The following FOXRED2 variants were observed in gnomAD, a reference collection of about 807,000 sequenced individuals.
FOXRED2 encodes the protein FAD-dependent oxidoreductase domain-containing protein 2.
In FOXRED2, 32 loss-of-function variants were observed where a neutral mutation model predicts 52.5. The observed-to-expected ratio is 0.61, with a 90% CI of 0.46 to 0.82. The LOEUF (loss-of-function observed/expected upper bound fraction) is 0.82, where lower values mean the gene tolerates loss of function less well. Ranked by LOEUF, FOXRED2 falls within the 40% of genes least tolerant of loss-of-function variation. The pLI is 0.00. For synonymous variants in FOXRED2, 405 were observed against 398.1 expected (o/e 1.02, Z -0.21); for missense variants, 848 against 937.5 (o/e 0.90, Z 1.25).
chr22:36,501,328 G>A lies in FOXRED2; in HGVS notation c.1129C>T (p.Arg377Trp), dbSNP rs754421478. The change falls in exon 5 of 9, where the codon CGG (arginine) becomes TGG (tryptophan). Residue 377 changes from arginine to tryptophan, a missense_variant. Physicochemically the swap from Arg to Trp is moderately radical, Grantham distance 101. Coordinates refer to ENST00000397224, the MANE Select transcript of FOXRED2 (RefSeq NM_001102371.2). ...GCAGTACCCAGGATAAACAGACCCC[G>A]GCTTCCTTTGGATTCGTAGCTAGCT... ...IRASYESKGS[R>W]GLFILGTASH... is the part of the protein sequence containing the mutation. 5.0e-6 allele frequency: 8 copies of A among 1,613,984 alleles called. No homozygotes were observed. The highest frequency in any genetic ancestry group is 2.2e-5 in the East Asian group (1 of 44,890).
Position 36,498,179 on chromosome 22 carries a change from C to T in FOXRED2, c.1217-23G>A, listed in dbSNP as rs373196212. On this transcript the variant is annotated intron_variant, in intron 5 of 8. Transcript: ENST00000397224. ...GCACTGGAACAGCCAGAGGGAGGAA[C>T]GGCACGCTGCACTTACCATTTTATC... is the stretch of plus-strand genomic sequence containing the variant. 67 of 1,600,194 alleles carry T rather than the reference C, an allele frequency of 4.2e-5. 1 individual carries two copies. In the Middle Eastern group the frequency reaches 2.4e-3, roughly 58 times the overall value.
intron 7 of FOXRED2, among the ~76,000 whole-genome samples, chr22:36,495,261 T>C (rs1933866687): frequency 6.6e-6 from 1 of 152,138 alleles, no homozygotes; most frequent in Non-Finnish European, 1.5e-5. Flanking sequence ...GCCCAGCCTC[T>C]TAGTGCCTCC....
At position 36,506,381 on chromosome 22, in the gene FOXRED2, C is replaced by A; in HGVS notation, c.42G>T (p.Gly14=). ...GGTGCAGGGCGATGGCCAGGAGCAGCCCCGGGGGACCCCACAACGGGGCCG... is the reference window on the plus strand; with the variant it reads ...GGTGCAGGGCGATGGCCAGGAGCAGACCCGGGGGACCCCACAACGGGGCCG... ...SAAAPLWGPP[G]LLLAIALHPA... Residue 14 remains glycine, a synonymous_variant, in exon 2 of 9, where the codon GGG becomes GGT. Coordinates refer to ENST00000397224, the MANE Select transcript of FOXRED2 (RefSeq NM_001102371.2). The A allele has an allele frequency of 6.9e-7, 1 of 1,441,852 alleles. No homozygotes were observed. The highest frequency in any genetic ancestry group is 9.1e-7 in the Non-Finnish European group (1 of 1,102,960). 89.3% of individuals were successfully genotyped at this position (1,441,852 alleles called of 1,614,324 possible).
intron 5 of FOXRED2, 43 bp from the exon 6 acceptor site, chr22:36,498,199 T>C: frequency 1.3e-6 from 2 of 1,576,660 alleles, no homozygotes; most frequent in Non-Finnish European, 8.6e-7. Flanking sequence ...CACTTACCAT[T>C]TTATCTCTGG....
At position 36,489,375 on chromosome 22, in the gene FOXRED2, T is replaced by G. The variant is rs952700506; in HGVS notation, c.*633A>C. The stretch of plus-strand genomic sequence containing the variant: ...CTGGGCCTATGATGATAAGCAGGGC[T>G]GACCCTCTTGGGCTCTGTAGCTAAG... On this transcript the variant is annotated 3_prime_UTR_variant, in exon 9 of 9. Coordinates refer to ENST00000397224, the MANE Select transcript of FOXRED2 (RefSeq NM_001102371.2). 3 of 152,274 alleles carry G rather than the reference T, an allele frequency of 2.0e-5. No homozygotes were observed. The highest frequency in any genetic ancestry group is 4.4e-5 in the Non-Finnish European group (3 of 68,074). 9.4% of individuals were successfully genotyped at this position (152,274 alleles called of 1,614,324 possible).
chr22:36,495,888 G>C, intron 7 of FOXRED2, 79 bp downstream of exon 7: 1 of 1,524,786 alleles, frequency 6.6e-7, no homozygotes, highest in Non-Finnish European at 9.0e-7. Context: ...GTGTGTGAAG[G>C]TTTCAGGGTG....
intron 2 of FOXRED2, 90 bp from the exon 3 acceptor site, chr22:36,504,856 G>A: frequency 1.4e-6 from 2 of 1,420,322 alleles, no homozygotes; most frequent in African/African-American, 1.4e-5. Context: ...CCACCCACCT[G>A]CCTGGCTCCA....
intron 8 of FOXRED2, among the ~76,000 whole-genome samples, chr22:36,492,115 C>T (rs528174854): frequency 3.3e-5 from 5 of 152,218 alleles, no homozygotes; most frequent in African/African-American, 9.6e-5. Flanking sequence ...CATGGAGGCC[C>T]CTGGGAGGCC....
Position 36,488,152 on chromosome 22 carries a change from C to T in FOXRED2, c.*1856G>A, listed in dbSNP as rs537214437. The stretch of plus-strand genomic sequence containing the variant: ...CAAGCCAAGAGGGGAAGAGGACGTC[C>T]CCATGAAAGAGCTTTGGATCCAGAA... On this transcript the variant is annotated 3_prime_UTR_variant, in exon 9 of 9. Coordinates refer to ENST00000397224, the MANE Select transcript of FOXRED2 (RefSeq NM_001102371.2). The T allele has an allele frequency of 6.6e-6, 1 of 151,814 alleles. No individual in the cohort carries two copies. The highest frequency in any genetic ancestry group is 1.5e-5 in the Non-Finnish European group (1 of 67,942). The allele number at this position is 151,814 out of a possible 1,614,324, so 9.4% of individuals were successfully genotyped here.
intron 5 of FOXRED2, among the ~76,000 whole-genome samples, chr22:36,500,810 C>G (rs1169970199): frequency 6.6e-6 from 1 of 152,128 alleles, no homozygotes; most frequent in Non-Finnish European, 1.5e-5. Context: ...TCTTGAACTC[C>G]TGGCCTGAAG....
At chr22:36,499,201 A>C (rs1933981279) in intron 5 of FOXRED2, among the ~76,000 whole-genome samples, 2 of 152,244 alleles carry the variant, frequency 1.3e-5, no homozygotes, top group South Asian at 2.1e-4. Flanking sequence ...GATTATAGGC[A>C]TGAGCCACTA....
chr22:36,493,573 T>C, intron 8 of FOXRED2, 60 bp downstream of exon 8: 1 of 1,492,718 alleles, frequency 6.7e-7, no homozygotes, highest in South Asian at 1.2e-5. Flanking sequence ...GTCTTGGGTC[T>C]CTGTGACCTT....
At position 36,489,461 on chromosome 22, in the gene FOXRED2, CG is replaced by C. The variant is rs1461145543; in HGVS notation, c.*546del. ...GGCAGTGTGTGGCAAGTGACACAGA[CG>C]GGGACTCCCAGCTGGGGGTCCCTGG... On this transcript the variant is annotated 3_prime_UTR_variant, in exon 9 of 9. Coordinates refer to ENST00000397224, the MANE Select transcript of FOXRED2 (RefSeq NM_001102371.2). The C allele has an allele frequency of 6.6e-6, 1 of 152,210 alleles. No individual in the cohort carries two copies. The highest frequency in any genetic ancestry group is 1.5e-5 in the Non-Finnish European group (1 of 68,068). 9.4% of individuals were successfully genotyped at this position (152,210 alleles called of 1,614,324 possible).
In FOXRED2 at chr22:36,504,353, C is replaced by A; in HGVS notation, c.794G>T (p.Gly265Val). Residue 265 changes from glycine to valine, a missense_variant, in exon 4 of 9, where the codon GGC becomes GTC. Coordinates refer to ENST00000397224, the MANE Select transcript of FOXRED2 (RefSeq NM_001102371.2). ...YVGDLRAINN[G>V]LLDTYQLKSL... ...CTTGAGCTGGTAGGTATCCAGCAGGCCATTGTTGATGGCTCTGAGCCCACA... is the reference window on the plus strand; with the variant it reads ...CTTGAGCTGGTAGGTATCCAGCAGGACATTGTTGATGGCTCTGAGCCCACA... The A allele has an allele frequency of 6.2e-7, 1 of 1,613,984 alleles. No homozygotes were observed. The highest frequency in any genetic ancestry group is 8.5e-7 in the Non-Finnish European group (1 of 1,179,990).
In FOXRED2 at chr22:36,498,172, G is replaced by A; in HGVS notation, c.1217-16C>T. 1 of 1,605,918 alleles carries A rather than the reference G, an allele frequency of 6.2e-7. No homozygotes were observed. The highest frequency in any genetic ancestry group is 8.5e-7 in the Non-Finnish European group (1 of 1,178,040). On this transcript the variant is annotated splice_polypyrimidine_tract_variant and intron_variant, in intron 5 of 8. Coordinates refer to ENST00000397224, the MANE Select transcript of FOXRED2 (RefSeq NM_001102371.2). ...ACAGCACGCACTGGAACAGCCAGAG[G>A]GAGGAACGGCACGCTGCACTTACCA...
At position 36,496,036 on chromosome 22, in the gene FOXRED2, G is replaced by A. The variant is rs1279570931; in HGVS notation, c.1555C>T (p.His519Tyr). Residue 519 changes from histidine (H) to tyrosine (Y), a missense_variant, in exon 7 of 9, where the codon CAC becomes TAC. Physicochemically the swap from His to Tyr is moderately conservative, Grantham distance 83. Coordinates refer to ENST00000397224, the MANE Select transcript of FOXRED2 (RefSeq NM_001102371.2). ...TTAGACTGCCAGGCATCTTCTGTGTGCCCCACAGACCGGTCATCAAAGAAG... is the reference window on the plus strand; with the variant it reads ...TTAGACTGCCAGGCATCTTCTGTGTACCCCACAGACCGGTCATCAAAGAAG... ...DVFFDDRSVG[H>Y]TEDAWQSNFL... 21 of 1,614,092 alleles carry A rather than the reference G, an allele frequency of 1.3e-5. No homozygotes were observed. The highest frequency in any genetic ancestry group is 1.7e-5 in the Non-Finnish European group (20 of 1,180,024).
intron 5 of FOXRED2, among the ~76,000 whole-genome samples, chr22:36,498,604 C>G (rs529123234): frequency 5.3e-5 from 8 of 152,328 alleles, no homozygotes; most frequent in East Asian, 3.9e-4. Context: ...AAACCTCCCC[C>G]CCTTCACAGC....
chr22:36,489,809 A>T lies in FOXRED2; in HGVS notation c.*199T>A. The T allele has an allele frequency of 2.0e-6, 1 of 499,726 alleles. No homozygotes were observed. The highest frequency in any genetic ancestry group is 3.4e-6 in the Non-Finnish European group (1 of 290,200). The allele number at this position is 499,726 out of a possible 1,614,324, so 31.0% of individuals were successfully genotyped here. On this transcript the variant is annotated 3_prime_UTR_variant, in exon 9 of 9. Transcript: ENST00000397224. ...AGAGGATGCCCTTCTGCCCCCTGAC[A>T]GGAGGGAGGAGACCACCGCATCCCC... is the stretch of plus-strand genomic sequence containing the variant.
intron 8 of FOXRED2, among the ~76,000 whole-genome samples, chr22:36,491,098 G>A (rs887138732): frequency 3.3e-5 from 5 of 151,968 alleles, no homozygotes; most frequent in Admixed American, 6.6e-5. Flanking sequence ...GGAGGCGGAC[G>A]TTGCAGTGAG....
Sources: allele counts gnomAD v4.1 joint callset (sites outside exome capture counted in the v4.1 genomes callset), GRCh38; gene constraint gnomAD v4.1.1; transcripts MANE v1.5; gene names NCBI Gene and HGNC (gene_info 2026-07-23, HGNC 2026-07-21).